SDHAF3: variants seen among roughly 807,000 people sequenced by gnomAD.
SDHAF3 encodes succinate dehydrogenase complex assembly factor 3.
SDHAF3 carries 18 observed loss-of-function variants against 11.5 expected under a neutral mutation model. The ratio of observed to expected loss-of-function variants is 1.56; its 90% CI spans 1.08 to 2.32. SDHAF3 has a LOEUF of 2.32. SDHAF3 is among the 30% of genes most tolerant of loss of function. The pLI is 0.00. For missense variants in SDHAF3, 200 were observed against 154.4 expected (o/e 1.30, Z -1.57); for synonymous variants, 72 against 59.3 (o/e 1.21, Z -0.99).
chr7:97,165,082 A>G (rs1789480400), intron 1 of SDHAF3, among the ~76,000 whole-genome samples: 2 of 152,138 alleles, frequency 1.3e-5, no homozygotes, highest in Non-Finnish European at 2.9e-5. Flanking sequence ...CAGGAGATCA[A>G]GACCATCCTG....
chr7:97,121,854 G>GTTTTTTTTTTTTTTTT (rs56186976), intron 1 of SDHAF3, among the ~76,000 whole-genome samples: 2 of 129,924 alleles, frequency 1.5e-5, no homozygotes, highest in Non-Finnish European at 3.3e-5. Context: ...TTTTTTTTTT[G>GTTTTTTTTTTTTTTTT]TTTTTTTTTT....
intron 1 of SDHAF3, among the ~76,000 whole-genome samples, chr7:97,140,581 T>TC (rs1193575486): frequency 2.0e-5 from 3 of 152,110 alleles, no homozygotes; most frequent in African/African-American, 2.4e-5. Flanking sequence ...ACTTATTAGT[T>TC]CCCCAAATTA....
chr7:97,161,358 G>A (rs1172007347), intron 1 of SDHAF3, among the ~76,000 whole-genome samples: 17 of 152,148 alleles, frequency 1.1e-4, no homozygotes, highest in Non-Finnish European at 1.5e-4. Context: ...TATGGGACTC[G>A]ACTTCACAAT....
At chr7:97,142,042 C>CTTGTTTTTTTTTTTT (rs1789055342) in intron 1 of SDHAF3, among the ~76,000 whole-genome samples, 1 of 61,678 alleles carries the variant, frequency 1.6e-5, no homozygotes, top group Non-Finnish European at 3.0e-5. Context: ...GAATTGTTGT[C>CTTGTTTTTTTTTTTT]TTTTTTTTTT....
chr7:97,166,032 A>G (rs1221056675), intron 1 of SDHAF3, among the ~76,000 whole-genome samples: 1 of 152,204 alleles, frequency 6.6e-6, no homozygotes, highest in African/African-American at 2.4e-5. Context: ...GTCCTCAACA[A>G]TATGACATTT....
intron 1 of SDHAF3, among the ~76,000 whole-genome samples, chr7:97,156,178 A>C (rs1789299173): frequency 6.6e-6 from 1 of 152,198 alleles, no homozygotes; most frequent in African/African-American, 2.4e-5. Flanking sequence ...TTAGCGCTCT[A>C]GGCTGTGAGA....
intron 1 of SDHAF3, among the ~76,000 whole-genome samples, chr7:97,125,964 C>G (rs990263670): frequency 6.6e-6 from 1 of 152,148 alleles, no homozygotes; most frequent in Non-Finnish European, 1.5e-5. Context: ...TCCTCATCTT[C>G]ATGGATTTAC....
chr7:97,169,689 G>T (rs1052511284), intron 1 of SDHAF3, among the ~76,000 whole-genome samples: 1 of 151,818 alleles, frequency 6.6e-6, no homozygotes, highest in African/African-American at 2.4e-5. Flanking sequence ...AAAATCTATT[G>T]CTAAATGCAG....
chr7:97,126,731 C>T (rs1380531674), intron 1 of SDHAF3, among the ~76,000 whole-genome samples: 2 of 151,796 alleles, frequency 1.3e-5, no homozygotes, highest in Non-Finnish European at 2.9e-5. Context: ...GCTTGCTGGC[C>T]TTCATGGGAG....
At chr7:97,168,938 G>A (rs1277201387) in intron 1 of SDHAF3, among the ~76,000 whole-genome samples, 1 of 151,894 alleles carries the variant, frequency 6.6e-6, no homozygotes, top group Non-Finnish European at 1.5e-5. Flanking sequence ...CGTGAAATGT[G>A]ATTGTGATAA....
chr7:97,181,342 T>C lies in SDHAF3; in HGVS notation c.*127T>C, dbSNP rs561318228. 2.9e-6 allele frequency: 2 copies of C among 693,730 alleles called. No homozygotes were observed. Among genetic ancestry groups the C allele is most frequent in the South Asian group, 2.2e-5 (1 of 46,308 alleles). The allele number at this position is 693,730 out of a possible 1,614,324, so 43.0% of individuals were successfully genotyped here. ...TAATGAAATACTCTTTTATTTTGGA[T>C]ATTATGATTGCAGTATATGGATCAA... On this transcript the variant is annotated 3_prime_UTR_variant, in exon 2 of 2. Coordinates refer to ENST00000432641, the MANE Select transcript of SDHAF3 (RefSeq NM_020186.3).
At chr7:97,147,556 C>T (rs1396644394) in intron 1 of SDHAF3, among the ~76,000 whole-genome samples, 1 of 152,100 alleles carries the variant, frequency 6.6e-6, no homozygotes, top group Non-Finnish European at 1.5e-5. Flanking sequence ...TGAAAAGGCT[C>T]CAGGGTTTCT....
At chr7:97,138,986 G>T (rs1179264065) in intron 1 of SDHAF3, among the ~76,000 whole-genome samples, 1 of 152,170 alleles carries the variant, frequency 6.6e-6, no homozygotes, top group African/African-American at 2.4e-5. Context: ...TCTGGGCCAG[G>T]TGTTCCCCAG....
intron 1 of SDHAF3, among the ~76,000 whole-genome samples, chr7:97,167,873 A>G (rs912587841): frequency 6.6e-6 from 1 of 152,230 alleles, no homozygotes; most frequent in African/African-American, 2.4e-5. Flanking sequence ...TAGATAGGGA[A>G]GGGTCCCTAG....
At chr7:97,130,894 T>C (rs1383070679) in intron 1 of SDHAF3, among the ~76,000 whole-genome samples, 2 of 152,172 alleles carry the variant, frequency 1.3e-5, no homozygotes, top group Non-Finnish European at 2.9e-5. Context: ...TGGGCAGGCC[T>C]GGAAAAAACA....
chr7:97,151,809 C>T (rs1789229021), intron 1 of SDHAF3, among the ~76,000 whole-genome samples: 1 of 152,026 alleles, frequency 6.6e-6, no homozygotes. Context: ...AACCTTTAGT[C>T]TCTTTTTCCT....
At chr7:97,153,150 A>G (rs2115697223) in intron 1 of SDHAF3, among the ~76,000 whole-genome samples, 1 of 152,354 alleles carries the variant, frequency 6.6e-6, no homozygotes, top group Admixed American at 6.5e-5. Context: ...TTGGGAGGTT[A>G]AAGTCACGAT....
intron 1 of SDHAF3, among the ~76,000 whole-genome samples, chr7:97,133,392 A>G (rs898301958): frequency 1.3e-5 from 2 of 152,214 alleles, no homozygotes; most frequent in Admixed American, 1.3e-4. Context: ...CCTGGTAAAC[A>G]TGGAATTAAA....
At chr7:97,119,901 C>T (rs534874960) in intron 1 of SDHAF3, among the ~76,000 whole-genome samples, 77 of 152,120 alleles carry the variant, frequency 5.1e-4, no homozygotes, top group Non-Finnish European at 9.4e-4. Context: ...GCAAAGTGTT[C>T]GCCTCAACAC....
Sources: gnomAD v4.1 joint callset for allele counts (sites outside exome capture counted in the v4.1 genomes callset) on GRCh38, gnomAD v4.1.1 for gene constraint, MANE v1.5 for transcripts, NCBI Gene and HGNC (gene_info 2026-07-23, HGNC 2026-07-21) for gene names.